The following SAXO5 variants were observed in gnomAD, a reference collection of about 807,000 sequenced individuals.
The protein encoded by SAXO5 is testis expressed 45.
chr19:7,500,758 G>A, the SAXO5 span: 29 of 1,361,776 alleles, frequency 2.1e-5, no homozygotes, highest in Non-Finnish European at 2.5e-5. Context: ...TCAAAGGCAA[G>A]TGCCCCAATG....
the SAXO5 span, chr19:7,508,111 C>T: frequency 9.7e-7 from 1 of 1,029,416 alleles, no homozygotes. Flanking sequence ...CTGGCCCCGC[C>T]CCCTGACTCA....
chr19:7,501,339 C>T, the SAXO5 span: 1 of 1,561,552 alleles, frequency 6.4e-7, no homozygotes. Context: ...CACCACGCAC[C>T]AGGCGCTCTT....
chr19:7,506,618 C>A, the SAXO5 span: 1 of 352,102 alleles, frequency 2.8e-6, no homozygotes, highest in Non-Finnish European at 5.4e-6. Flanking sequence ...CCGCCCCTGA[C>A]CTTCTTAGCC....
the SAXO5 span, among the ~76,000 whole-genome samples, chr19:7,508,011 C>T: frequency 1.3e-4 from 20 of 152,210 alleles, no homozygotes; most frequent in Non-Finnish European, 2.5e-4. Flanking sequence ...TGGCCATAGC[C>T]TCGCCCCTTT....
the SAXO5 span, chr19:7,507,210 C>A: frequency 1.5e-6 from 2 of 1,331,044 alleles, no homozygotes; most frequent in Non-Finnish European, 2.1e-6. Flanking sequence ...TATCTCAGGA[C>A]GACTATGCTG....
the SAXO5 span, chr19:7,505,772 TA>T: frequency 1.1e-6 from 1 of 950,422 alleles, no homozygotes; most frequent in Admixed American, 2.6e-5. Context: ...GCGAGTCACT[TA>T]ACCACTCCGA....
chr19:7,498,473 CACG>C, the SAXO5 span, among the ~76,000 whole-genome samples: 1 of 150,808 alleles, frequency 6.6e-6, no homozygotes, highest in Non-Finnish European at 1.5e-5. Context: ...CTTGGCTCAC[CACG>C]ACTTCTGCCT....
the SAXO5 span, chr19:7,501,502 T>TG: frequency 7.7e-7 from 1 of 1,290,364 alleles, no homozygotes; most frequent in Admixed American, 3.9e-5. Context: ...CATTTGGCAA[T>TG]GTCTGGAAAC....
chr19:7,505,956 T>A, the SAXO5 span: 3 of 1,571,088 alleles, frequency 1.9e-6, no homozygotes, highest in Non-Finnish European at 2.6e-6. Flanking sequence ...TGCCATGTGG[T>A]CCTACAGCCG....
the SAXO5 span, among the ~76,000 whole-genome samples, chr19:7,498,354 G>A: frequency 6.6e-6 from 1 of 150,878 alleles, no homozygotes; most frequent in Non-Finnish European, 1.5e-5. Context: ...GGGATGACAG[G>A]TGCATACTAC....
the SAXO5 span, chr19:7,499,981 C>G: frequency 5.1e-5 from 4 of 78,236 alleles, no homozygotes; most frequent in African/African-American, 1.4e-4. Context: ...CGGGGTCCCA[C>G]TATATTGCCC....
At chr19:7,503,410 A>G in the SAXO5 span, among the ~76,000 whole-genome samples, 150 of 152,262 alleles carry the variant, frequency 9.9e-4, no homozygotes, top group African/African-American at 3.3e-3. Context: ...AGTCCTGGAA[A>G]AAGATGCAAT....
the SAXO5 span, chr19:7,505,903 C>A: frequency 5.5e-6 from 8 of 1,443,078 alleles, no homozygotes; most frequent in Non-Finnish European, 5.6e-6. Context: ...CCTCCTCCCT[C>A]CCCCCCGGGC....
chr19:7,498,385 A>AT, the SAXO5 span, among the ~76,000 whole-genome samples: 2 of 110,112 alleles, frequency 1.8e-5, no homozygotes, highest in African/African-American at 3.3e-5. Flanking sequence ...TAATTTTTGT[A>AT]TTTTTTTCTT....
At chr19:7,502,668 A>G in the SAXO5 span, among the ~76,000 whole-genome samples, 1 of 152,042 alleles carries the variant, frequency 6.6e-6, no homozygotes, top group Non-Finnish European at 1.5e-5. Flanking sequence ...TAAGTTCCCC[A>G]GCTGTACACC....
the SAXO5 span, chr19:7,505,310 T>A: frequency 6.2e-7 from 1 of 1,612,080 alleles, no homozygotes; most frequent in South Asian, 1.1e-5. Context: ...GATGGAATAA[T>A]ACACTACGTA....
At chr19:7,508,392 C>T in the SAXO5 span, 33 of 1,613,280 alleles carry the variant, frequency 2.0e-5, no homozygotes, top group Non-Finnish European at 2.8e-5. Context: ...CCCTCTGGTC[C>T]CCCAGCCCCC....
chr19:7,498,008 G>A, the SAXO5 span, among the ~76,000 whole-genome samples: 13 of 151,886 alleles, frequency 8.6e-5, no homozygotes, highest in Admixed American at 5.2e-4. Context: ...AAAATTGGCC[G>A]GGCGTGGTGG....
chr19:7,504,396 A>G, the SAXO5 span: 590,030 of 1,613,120 alleles, frequency 0.37, 110,227 homozygotes, highest in African/African-American at 0.47. Context: ...AGGCCCCAGG[A>G]TCTGCCTGAA....
Sources: allele counts gnomAD v4.1 joint callset (sites outside exome capture counted in the v4.1 genomes callset), GRCh38; gene constraint gnomAD v4.1.1; transcripts MANE v1.5; gene names NCBI Gene and HGNC (gene_info 2026-07-23, HGNC 2026-07-21).